Variants in BMPR1B observed in about 807,000 individuals in gnomAD.
BMPR1B encodes the protein bone morphogenetic protein receptor type-1B.
BMPR1B carries 12 observed loss-of-function variants against 59.1 expected under a neutral mutation model. That is an observed-to-expected ratio of 0.20 (90% CI 0.13 to 0.33). BMPR1B has a LOEUF of 0.33. BMPR1B is among the 10% of genes least tolerant of loss of function. The pLI, the probability that BMPR1B is intolerant of heterozygous loss-of-function variation, is 1.00. For synonymous variants in BMPR1B, 237 were observed against 207.3 expected, an observed-to-expected ratio of 1.14 and a Z score of -1.23; for missense variants, 550 against 610.9, an observed-to-expected ratio of 0.90 and a Z score of 1.05.
rs867285787 is a variant in BMPR1B, at chr4:95,116,425, A to G, written c.349+638A>G. Among the ~76,000 whole-genome samples the G allele has an allele frequency of 4.2e-3, 546 of 129,482 alleles. 4 individuals carry two copies. Among genetic ancestry groups the G allele is most frequent in the East Asian group, 0.04 (173 of 4,376 alleles). The allele number at this position is 129,482 out of a possible 152,430, so 84.9% of individuals were successfully genotyped here. A position where few individuals can be genotyped will look rare whatever the true frequency, so the allele number is the denominator to read the frequency against. ...TCCTCCATGCTTTCAGCGCGCGCAC[A>G]CACACACACACACACACACACACAC... On this transcript the variant is annotated intron_variant, in intron 6 of 12. Coordinates refer to ENST00000515059, the MANE Select transcript of BMPR1B (RefSeq NM_001203.3).
chr4:94,943,668 T>A (rs992323332), intron 2 of BMPR1B, among the ~76,000 whole-genome samples: 5 of 152,184 alleles, frequency 3.3e-5, no homozygotes, highest in African/African-American at 9.7e-5. Flanking sequence ...TGTAGGAAAG[T>A]GGAACTTTAT....
At chr4:95,003,983 T>C (rs949382321) in intron 3 of BMPR1B, among the ~76,000 whole-genome samples, 3 of 151,894 alleles carry the variant, frequency 2.0e-5, no homozygotes, top group African/African-American at 7.3e-5. Flanking sequence ...GATTTTTGTA[T>C]TTTTAGTAGA....
intron 11 of BMPR1B, among the ~76,000 whole-genome samples, chr4:95,151,720 A>T (rs1387567211): frequency 6.6e-6 from 1 of 152,176 alleles, no homozygotes; most frequent in African/African-American, 2.4e-5. Flanking sequence ...TGTGATATAT[A>T]ATCTGCCAAC....
intron 12 of BMPR1B, among the ~76,000 whole-genome samples, chr4:95,152,989 GT>G (rs1206391889): frequency 1.3e-5 from 2 of 152,116 alleles, no homozygotes; most frequent in Non-Finnish European, 2.9e-5. Flanking sequence ...AATATATTGA[GT>G]GAGTTGGTCA....
intron 3 of BMPR1B, among the ~76,000 whole-genome samples, chr4:95,020,921 G>T (rs1309583750): frequency 9.9e-5 from 15 of 152,032 alleles, no homozygotes; most frequent in Non-Finnish European, 5.9e-5. Context: ...TTGCTTTGTT[G>T]CCCAGGCTGA....
intron 2 of BMPR1B, among the ~76,000 whole-genome samples, chr4:94,921,371 G>T (rs960545617): frequency 1.1e-4 from 16 of 152,120 alleles, no homozygotes; most frequent in Non-Finnish European, 2.4e-4. Flanking sequence ...CTGAGACTGG[G>T]TAATTTATAA....
chr4:95,000,798 G>A (rs1000718138), intron 3 of BMPR1B, among the ~76,000 whole-genome samples: 2 of 152,100 alleles, frequency 1.3e-5, no homozygotes, highest in African/African-American at 2.4e-5. Flanking sequence ...AAAGAACTTT[G>A]TGGTTGGAAT....
chr4:95,061,193 ACACACACACACACACAC>A (rs1727348957), intron 3 of BMPR1B, among the ~76,000 whole-genome samples: 1 of 115,588 alleles, frequency 8.7e-6, no homozygotes, highest in Non-Finnish European at 2.1e-5. Flanking sequence ...ACACACACAC[ACACACACACACACACAC>A]CACACACCCC....
intron 3 of BMPR1B, among the ~76,000 whole-genome samples, chr4:95,057,356 T>C: frequency 6.6e-6 from 1 of 152,090 alleles, no homozygotes; most frequent in Non-Finnish European, 1.5e-5. Context: ...GTGATTCTCC[T>C]GCCTCAGCCT....
intron 3 of BMPR1B, among the ~76,000 whole-genome samples, chr4:95,027,136 T>TA (rs1455482500): frequency 6.6e-6 from 1 of 152,122 alleles, no homozygotes; most frequent in Non-Finnish European, 1.5e-5. Context: ...AAGGCCCACT[T>TA]AAAAATAAAT....
rs1723843882 is a variant in BMPR1B at position 94,812,210 on chromosome 4, C to T, written c.-183+54142C>T. ...AATTTAAAGTCAGTTAGAGGAGAAG[C>T]TTCATACTGTTATAGAAGAAGCAGG... On this transcript the variant is annotated intron_variant, in intron 1 of 12. Coordinates refer to ENST00000515059, the MANE Select transcript of BMPR1B (RefSeq NM_001203.3). Among the ~76,000 whole-genome samples, 3 of 152,138 alleles carry T rather than the reference C, an allele frequency of 2.0e-5. No homozygotes were observed. The South Asian group carries it at 6.2e-4, about 32-fold the overall frequency.
intron 2 of BMPR1B, among the ~76,000 whole-genome samples, chr4:94,989,885 G>A (rs557640490): frequency 1.3e-5 from 2 of 152,156 alleles, no homozygotes; most frequent in Non-Finnish European, 2.9e-5. Context: ...AAAGTAAATA[G>A]CCAAATGGCT....
chr4:95,029,977 T>C (rs1249967015), intron 3 of BMPR1B, among the ~76,000 whole-genome samples: 6 of 152,116 alleles, frequency 3.9e-5, no homozygotes, highest in Admixed American at 2.6e-4. Flanking sequence ...GTTTTTTTCT[T>C]GTAAATTTGT....
chr4:94,870,134 A>C (rs1047649846), intron 1 of BMPR1B, among the ~76,000 whole-genome samples: 1 of 152,190 alleles, frequency 6.6e-6, no homozygotes, highest in Non-Finnish European at 1.5e-5. Context: ...GTCTTAACTA[A>C]ATTTTGCGTT....
At chr4:95,140,977 C>T (rs938580139) in intron 10 of BMPR1B, among the ~76,000 whole-genome samples, 3 of 152,142 alleles carry the variant, frequency 2.0e-5, no homozygotes, top group Non-Finnish European at 1.5e-5. Flanking sequence ...AGGGATAATT[C>T]AGACATTTAC....
intron 1 of BMPR1B, among the ~76,000 whole-genome samples, chr4:94,851,767 A>G (rs1192748569): frequency 6.6e-6 from 1 of 152,150 alleles, no homozygotes; most frequent in Non-Finnish European, 1.5e-5. Context: ...TATAAAGCGT[A>G]TAGGTTAATG....
At chr4:94,835,650 A>G (rs1291488993) in intron 1 of BMPR1B, among the ~76,000 whole-genome samples, 3 of 117,724 alleles carry the variant, frequency 2.5e-5, no homozygotes, top group Admixed American at 8.0e-5. Context: ...ATATTTATTA[A>G]GTATAAGTTT....
At chr4:94,996,454 G>A (rs917149836) in intron 3 of BMPR1B, 4 of 152,132 alleles carry the variant, frequency 2.6e-5, no homozygotes, top group Non-Finnish European at 5.9e-5. Flanking sequence ...TTACTTTTAT[G>A]TCGGTATTAA....
At chr4:94,789,899 A>C (rs367586106) in intron 1 of BMPR1B, among the ~76,000 whole-genome samples, 1 of 152,148 alleles carries the variant, frequency 6.6e-6, no homozygotes, top group African/African-American at 2.4e-5. Context: ...TGAGACAGCA[A>C]ATAGAGGATT....
Sources: gnomAD v4.1 joint callset for allele counts (sites outside exome capture counted in the v4.1 genomes callset) on GRCh38, gnomAD v4.1.1 for gene constraint, MANE v1.5 for transcripts, NCBI Gene and HGNC (gene_info 2026-07-23, HGNC 2026-07-21) for gene names.